The following B4GALT6 variants were observed in gnomAD, a reference collection of about 807,000 sequenced individuals.
B4GALT6 encodes beta-1,4-galactosyltransferase 6.
B4GALT6 carries 14 observed loss-of-function variants against 46.3 expected under a neutral mutation model. The observed-to-expected ratio is 0.30, with a 90% confidence interval of 0.20 to 0.47. B4GALT6 has a LOEUF of 0.47. B4GALT6 is among the 20% of genes least tolerant of loss of function. The probability of loss-of-function intolerance (pLI) is 0.99; values close to 1 mark genes in which losing one functional copy is unlikely to be tolerated. For missense variants in B4GALT6, 386 were observed against 480.1 expected (o/e 0.80, Z 1.83); for synonymous variants, 168 against 162.0 (o/e 1.04, Z -0.28).
intron 3 of B4GALT6, among the ~76,000 whole-genome samples, chr18:31,654,430 AC>A (rs2074113986): frequency 6.6e-6 from 1 of 152,242 alleles, no homozygotes; most frequent in Non-Finnish European, 1.5e-5. Context: ...ATCTATAAAT[AC>A]TAACAAACAA....
intron 7 of B4GALT6, 140 bp downstream of exon 7, chr18:31,626,859 G>A: frequency 1.5e-6 from 1 of 660,102 alleles, no homozygotes; most frequent in Non-Finnish European, 2.3e-6. Flanking sequence ...AAAAAAAAGA[G>A]AAATATAAAA....
At chr18:31,686,085 GT>G (rs2144769907), upstream of B4GALT6, 1 of 152,418 alleles carries the variant, frequency 6.6e-6, no homozygotes, top group South Asian at 2.1e-4. Context: ...TCGTTCAAAT[GT>G]TTCTTCCTGC....
Position 31,627,081 on chromosome 18 carries a change from T to C in B4GALT6, c.817A>G (p.Thr273Ala). The C allele has an allele frequency of 6.2e-7, 1 of 1,610,636 alleles. No individual in the cohort carries two copies. Among genetic ancestry groups the C allele is most frequent in the Non-Finnish European group, 8.5e-7 (1 of 1,178,534 alleles). The stretch of plus-strand genomic sequence containing the variant: ...TTGATCTTTCTAAATTGTTCCACTG[T>C]CAGCCCACTTACACCACCAAAAAAT... The part of the protein sequence containing the change: ...KEFFGGVSGL[T>A]VEQFRKINGF... Residue 273 changes from threonine to alanine, a missense_variant, in exon 7 of 9, where the codon ACA becomes GCA. By Grantham distance (58) the Thr-to-Ala change is moderately conservative. Transcript: ENST00000306851.
chr18:31,697,334 C>T, the B4GALT6 span, among the ~76,000 whole-genome samples: 1 of 151,494 alleles, frequency 6.6e-6, no homozygotes, highest in African/African-American at 2.4e-5. Context: ...GGCAGGCAGA[C>T]TAATGTCCTA....
At position 31,624,949 on chromosome 18, in the gene B4GALT6, A is replaced by G. The variant is rs920564072; in HGVS notation, c.*665T>C. On this transcript the variant is annotated 3_prime_UTR_variant, in exon 9 of 9. Coordinates refer to ENST00000306851, the MANE Select transcript of B4GALT6 (RefSeq NM_004775.5). ...ATTGCAAGCAAGGAAAAACATAGGTAATCCCGGTAGGAAGAAAAGCTATTT... is the reference window on the plus strand; with the variant it reads ...ATTGCAAGCAAGGAAAAACATAGGTGATCCCGGTAGGAAGAAAAGCTATTT... 3 of 152,674 alleles carry G rather than the reference A, an allele frequency of 2.0e-5. No individual in the cohort carries two copies. Among genetic ancestry groups the G allele is most frequent in the African/African-American group, 7.2e-5 (3 of 41,472 alleles). The allele number at this position is 152,674 out of a possible 1,614,324, so 9.5% of individuals were successfully genotyped here.
the B4GALT6 span, among the ~76,000 whole-genome samples, chr18:31,709,216 A>AT: frequency 2.0e-5 from 3 of 151,826 alleles, no homozygotes; most frequent in African/African-American, 7.3e-5. Flanking sequence ...ACTTTTAAAA[A>AT]TTCAAATTTA....
At chr18:31,626,063 G>A (rs541949622) in intron 8 of B4GALT6, among the ~76,000 whole-genome samples, 4 of 152,176 alleles carry the variant, frequency 2.6e-5, no homozygotes, top group African/African-American at 9.6e-5. Flanking sequence ...GCTCTTTAAC[G>A]TAAATATGTG....
chr18:31,638,669 T>A lies in B4GALT6; in HGVS notation c.563A>T (p.Glu188Val). ...CTGTTCAATGACATAAAACGCAAAT[T>A]CCAGCCGCTGCTTCTGGAGCATTGG... Reference protein sequence around the residue: ...LIPMLQKQRLEFAFYVIEQTG... With the variant: ...LIPMLQKQRLVFAFYVIEQTG... The change falls in exon 5 of 9, where the codon GAA becomes GTA. Residue 188 changes from glutamate to valine, a missense_variant. Physicochemically the swap from Glu to Val is moderately radical, Grantham distance 121. This residue lies in a region of B4GALT6 where 323 missense variants were observed against 438.9 expected (regional missense o/e 0.74). Coordinates refer to ENST00000306851, the MANE Select transcript of B4GALT6 (RefSeq NM_004775.5). 1 of 1,613,758 alleles carries A rather than the reference T, an allele frequency of 6.2e-7. No individual in the cohort carries two copies. Among genetic ancestry groups the A allele is most frequent in the South Asian group, 1.1e-5 (1 of 91,058 alleles).
upstream of B4GALT6, chr18:31,686,211 C>G (rs2029916388): frequency 6.6e-6 from 1 of 152,144 alleles, no homozygotes; most frequent in African/African-American, 2.4e-5. Flanking sequence ...CCATTATTTG[C>G]TGAGTATTTC....
At chr18:31,699,489 G>C in the B4GALT6 span, among the ~76,000 whole-genome samples, 1 of 151,388 alleles carries the variant, frequency 6.6e-6, no homozygotes, top group African/African-American at 2.4e-5. Context: ...GGCTAGGCTG[G>C]TCTCAAACTC....
the B4GALT6 span, among the ~76,000 whole-genome samples, chr18:31,707,235 T>C: frequency 4.0e-5 from 6 of 150,734 alleles, no homozygotes; most frequent in Non-Finnish European, 5.9e-5. Flanking sequence ...TTCTTTCTTT[T>C]TTTTTTTTTT....
At chr18:31,689,995 G>A (rs143294631), upstream of B4GALT6, among the ~76,000 whole-genome samples, 7 of 152,174 alleles carry the variant, frequency 4.6e-5, no homozygotes, top group East Asian at 9.6e-4. Context: ...TGAGAATCTC[G>A]AGAGATAGCT....
intron 5 of B4GALT6, among the ~76,000 whole-genome samples, chr18:31,631,857 T>C (rs563019241): frequency 2.0e-4 from 30 of 152,314 alleles, no homozygotes; most frequent in Admixed American, 1.8e-3. Context: ...ACAACCATTT[T>C]CCTTTATTAT....
At chr18:31,649,590 A>G (rs2144603507) in intron 3 of B4GALT6, among the ~76,000 whole-genome samples, 1 of 152,090 alleles carries the variant, frequency 6.6e-6, no homozygotes, top group Non-Finnish European at 1.5e-5. Flanking sequence ...AAAAAAAAAA[A>G]AAAATGAGCA....
intron 2 of B4GALT6, 24 bp downstream of exon 2, chr18:31,666,232 G>A (rs1188932226): frequency 7.3e-7 from 1 of 1,363,576 alleles, no homozygotes; most frequent in East Asian, 2.4e-5. Context: ...TAACTACAAG[G>A]GGTTAAGCAG....
At position 31,623,382 on chromosome 18, in the gene B4GALT6, A is replaced by G. The variant is rs2073643346; in HGVS notation, c.*2232T>C. On this transcript the variant is annotated 3_prime_UTR_variant, in exon 9 of 9. Transcript: ENST00000306851. ...TGACAAACTATATTTCAAAACTGAA[A>G]AAAAGCAAAATGTTTATATCTCACT... 2 of 152,488 alleles carry G rather than the reference A, an allele frequency of 1.3e-5. No individual in the cohort carries two copies. Among genetic ancestry groups the G allele is most frequent in the South Asian group, 4.1e-4 (2 of 4,832 alleles). 9.4% of individuals were successfully genotyped at this position (152,488 alleles called of 1,614,324 possible). A position where few individuals can be genotyped will look rare whatever the true frequency, so the allele number is the denominator to read the frequency against.
At chr18:31,685,023 GGGGCCCGCGGGGGCCCTC>G (rs1470283140), upstream of B4GALT6, among the ~76,000 whole-genome samples, 1 of 146,058 alleles carries the variant, frequency 6.8e-6, no homozygotes, top group Non-Finnish European at 1.5e-5. Context: ...GCCACGCGCG[GGGGCCCGCGGGGGCCCTC>G]GGGGCCGAGG....
intron 1 of B4GALT6, among the ~76,000 whole-genome samples, chr18:31,675,598 T>C (rs1488811175): frequency 6.6e-6 from 1 of 152,206 alleles, no homozygotes; most frequent in Non-Finnish European, 1.5e-5. Flanking sequence ...TATATAGCTT[T>C]TTTAAAGCAT....
At chr18:31,629,823 A>C (rs542237159) in intron 6 of B4GALT6, among the ~76,000 whole-genome samples, 81 of 147,516 alleles carry the variant, frequency 5.5e-4, no homozygotes, top group East Asian at 3.8e-3. Flanking sequence ...GCACTCCAGC[A>C]TGGGCGACAA....
Sources: allele counts gnomAD v4.1 joint callset (sites outside exome capture counted in the v4.1 genomes callset), GRCh38; gene constraint gnomAD v4.1.1; regional missense constraint gnomAD v4.1.1; transcripts MANE v1.5; gene names NCBI Gene and HGNC (gene_info 2026-07-23, HGNC 2026-07-21).